The following VTI1A variants were observed in gnomAD, a reference collection of about 807,000 sequenced individuals.
VTI1A encodes vesicle transport through interaction with t-SNAREs homolog 1A.
In VTI1A, 22 loss-of-function variants were observed where a neutral mutation model predicts 34.9. That is an observed-to-expected ratio of 0.63 (90% CI 0.45 to 0.90). VTI1A has a LOEUF of 0.90. VTI1A is among the 40% of genes least tolerant of loss of function. VTI1A has a pLI of 0.00. For synonymous variants in VTI1A, 87 were observed against 97.3 expected (o/e 0.89, Z 0.62); for missense variants, 268 against 275.6 (o/e 0.97, Z 0.20).
intron 3 of VTI1A, among the ~76,000 whole-genome samples, chr10:112,483,345 C>T (rs762056835): frequency 7.6e-4 from 116 of 152,178 alleles, no homozygotes; most frequent in Non-Finnish European, 1.1e-3. Context: ...GAAGATTGCA[C>T]GACAATGAAT....
intron 5 of VTI1A, among the ~76,000 whole-genome samples, chr10:112,553,056 C>A (rs1022708753): frequency 6.6e-6 from 1 of 152,152 alleles, no homozygotes; most frequent in African/African-American, 2.4e-5. Flanking sequence ...CACATCCACC[C>A]CTTGTAAATT....
At chr10:112,751,497 A>T (rs1028053077) in intron 7 of VTI1A, among the ~76,000 whole-genome samples, 1 of 150,788 alleles carries the variant, frequency 6.6e-6, no homozygotes, top group Non-Finnish European at 1.5e-5. Context: ...AAAAAAAAAA[A>T]GCCCTGCAAG....
chr10:112,779,698 A>G lies in VTI1A; in HGVS notation c.561-35592A>G, dbSNP rs956753013. Among the ~76,000 whole-genome samples, 38 of 152,154 alleles carry G rather than the reference A, an allele frequency of 2.5e-4. 1 individual carries two copies. Among genetic ancestry groups the G allele is most frequent in the Admixed American group, 2.2e-3 (34 of 15,280 alleles). On this transcript the variant is annotated intron_variant, in intron 7 of 7. Coordinates refer to ENST00000393077, the MANE Select transcript of VTI1A (RefSeq NM_145206.4). ...ATCTGTTTCAGCATCTCCAATCAACATATGTTTTTCCTCATTTTGTATTTT... is the reference window on the plus strand; with the variant it reads ...ATCTGTTTCAGCATCTCCAATCAACGTATGTTTTTCCTCATTTTGTATTTT...
At chr10:112,601,934 A>G (rs1440434941) in intron 5 of VTI1A, among the ~76,000 whole-genome samples, 1 of 152,214 alleles carries the variant, frequency 6.6e-6, no homozygotes, top group Non-Finnish European at 1.5e-5. Context: ...TCAAATACAG[A>G]TAAAGACAAT....
chr10:112,634,552 T>A (rs1274124283), intron 5 of VTI1A, among the ~76,000 whole-genome samples: 1 of 149,578 alleles, frequency 6.7e-6, no homozygotes, highest in African/African-American at 2.5e-5. Flanking sequence ...CACACACGAA[T>A]TTCATGTTTT....
chr10:112,805,397 C>T (rs917806856), intron 7 of VTI1A, among the ~76,000 whole-genome samples: 2 of 152,166 alleles, frequency 1.3e-5, no homozygotes, highest in Admixed American at 1.3e-4. Context: ...CATGCTTATT[C>T]GTTGACATAT....
At chr10:112,697,453 A>G (rs1848836456) in intron 7 of VTI1A, among the ~76,000 whole-genome samples, 1 of 148,794 alleles carries the variant, frequency 6.7e-6, no homozygotes, top group African/African-American at 2.5e-5. Flanking sequence ...AGGCAGTACA[A>G]TGGCGCTATC....
At chr10:112,797,221 A>G (rs1852703728) in intron 7 of VTI1A, among the ~76,000 whole-genome samples, 3 of 152,192 alleles carry the variant, frequency 2.0e-5, no homozygotes, top group Admixed American at 2.0e-4. Context: ...TTTTAGTGCC[A>G]TCTCAGAAAT....
At chr10:112,542,048 T>G (rs998616887) in intron 5 of VTI1A, among the ~76,000 whole-genome samples, 2 of 152,208 alleles carry the variant, frequency 1.3e-5, no homozygotes, top group Admixed American at 1.3e-4. Flanking sequence ...GCTATGGACA[T>G]ATCCATTTTG....
At chr10:112,491,108 G>A (rs148795123) in intron 3 of VTI1A, among the ~76,000 whole-genome samples, 254 of 152,046 alleles carry the variant, frequency 1.7e-3, no homozygotes, top group African/African-American at 5.5e-3. Flanking sequence ...TAGAACATTC[G>A]ATGTATGGCA....
intron 3 of VTI1A, among the ~76,000 whole-genome samples, chr10:112,481,908 A>G (rs1039368885): frequency 6.6e-6 from 1 of 152,362 alleles, no homozygotes; most frequent in African/African-American, 2.4e-5. Context: ...ACTTGATAGT[A>G]CAATTACTAG....
intron 4 of VTI1A, among the ~76,000 whole-genome samples, chr10:112,533,874 C>G (rs1161223889): frequency 6.6e-6 from 1 of 151,974 alleles, no homozygotes; most frequent in African/African-American, 2.4e-5. Context: ...GCTGTAACTT[C>G]AAGTTTATTT....
At chr10:112,599,064 T>C (rs888592532) in intron 5 of VTI1A, among the ~76,000 whole-genome samples, 2 of 152,190 alleles carry the variant, frequency 1.3e-5, no homozygotes, top group Non-Finnish European at 2.9e-5. Context: ...GACTGTATTT[T>C]GAGGGTCTGG....
chr10:112,593,109 G>A (rs955803232), intron 5 of VTI1A, among the ~76,000 whole-genome samples: 3 of 152,218 alleles, frequency 2.0e-5, no homozygotes, highest in African/African-American at 7.2e-5. Context: ...AAAGAAAGCA[G>A]TGAGAAGTGA....
At chr10:112,604,261 C>T (rs1288087041) in intron 5 of VTI1A, among the ~76,000 whole-genome samples, 1 of 152,054 alleles carries the variant, frequency 6.6e-6, no homozygotes, top group African/African-American at 2.4e-5. Flanking sequence ...TCCTGACTTA[C>T]AAAATGGGGC....
intron 5 of VTI1A, among the ~76,000 whole-genome samples, chr10:112,625,563 C>G (rs1488593967): frequency 7.2e-6 from 1 of 139,580 alleles, no homozygotes; most frequent in Non-Finnish European, 1.5e-5. Context: ...TTGCTTGAAC[C>G]TGGGAGGCAG....
intron 3 of VTI1A, among the ~76,000 whole-genome samples, chr10:112,483,353 A>C (rs1219156734): frequency 6.6e-6 from 1 of 152,150 alleles, no homozygotes. Flanking sequence ...CACGACAATG[A>C]ATATTAACCC....
At chr10:112,757,230 A>G (rs781143015) in intron 7 of VTI1A, among the ~76,000 whole-genome samples, 39 of 151,954 alleles carry the variant, frequency 2.6e-4, no homozygotes, top group Middle Eastern at 6.8e-3. Context: ...CAAAATTGCT[A>G]TGTGATGAGT....
intron 7 of VTI1A, among the ~76,000 whole-genome samples, chr10:112,759,141 G>A (rs1380953924): frequency 6.6e-6 from 1 of 152,172 alleles, no homozygotes; most frequent in African/African-American, 2.4e-5. Context: ...ATCCTTGGTT[G>A]GGAGCCAAGT....
Sources: allele counts gnomAD v4.1 joint callset (sites outside exome capture counted in the v4.1 genomes callset), GRCh38; gene constraint gnomAD v4.1.1; transcripts MANE v1.5; gene names NCBI Gene and HGNC (gene_info 2026-07-23, HGNC 2026-07-21).